Variants in GOLM2 observed in about 807,000 individuals in gnomAD.
GOLM2 encodes the protein golgi membrane protein 2.
A neutral mutation model predicts 55.9 loss-of-function variants in GOLM2; 26 were observed. The observed-to-expected ratio is 0.47, with a 90% CI of 0.34 to 0.65. The LOEUF is 0.65. Among genes scored for constraint, GOLM2 ranks in the 30% least tolerant of loss-of-function variants. GOLM2 has a pLI of 0.01. For synonymous variants in GOLM2, 165 were observed against 194.6 expected, an observed-to-expected ratio of 0.85 and a Z score of 1.27; for missense variants, 486 against 531.8, an observed-to-expected ratio of 0.91 and a Z score of 0.85.
chr15:44,326,485 T>C (rs987464423), intron 2 of GOLM2, among the ~76,000 whole-genome samples: 4 of 151,776 alleles, frequency 2.6e-5, no homozygotes, highest in African/African-American at 9.7e-5. Context: ...CAATAAAATT[T>C]AGAAAGTGTA....
rs138181441 is a variant in GOLM2, at chr15:44,318,538, G to C, written c.328-4427G>C. On this transcript the variant is annotated intron_variant, in intron 1 of 9. Coordinates refer to ENST00000299957, the MANE Select transcript of GOLM2 (RefSeq NM_138423.4). Reference sequence around the variant, plus strand: ...AGCCTGATCAATGTGGTGAAACCCTGTCTCTACTAAAAATACAAAAATTAG... The same window carrying C: ...AGCCTGATCAATGTGGTGAAACCCTCTCTCTACTAAAAATACAAAAATTAG... Among the ~76,000 whole-genome samples the C allele has an allele frequency of 1.7e-3, 252 of 152,238 alleles. 1 individual carries two copies. Among genetic ancestry groups the C allele is most frequent in the African/African-American group, 5.9e-3 (244 of 41,564 alleles).
chr15:44,296,531 G>A (rs1302310352), intron 1 of GOLM2, among the ~76,000 whole-genome samples: 2 of 152,300 alleles, frequency 1.3e-5, no homozygotes, highest in East Asian at 3.9e-4. Context: ...TGCTTTTTGG[G>A]GGAAAATTTT....
chr15:44,406,225 TA>T, intron 9 of GOLM2: 1 of 151,946 alleles, frequency 6.6e-6, no homozygotes, highest in Non-Finnish European at 1.5e-5. Context: ...ACCTCTCTAC[TA>T]AAAAATACAA....
intron 8 of GOLM2, among the ~76,000 whole-genome samples, chr15:44,400,845 G>C (rs905917133): frequency 1.3e-5 from 2 of 151,934 alleles, no homozygotes; most frequent in South Asian, 4.2e-4. Flanking sequence ...AAAGTGCTGG[G>C]ATTACGGGCG....
At chr15:44,304,399 A>C (rs1313275156) in intron 1 of GOLM2, among the ~76,000 whole-genome samples, 3 of 147,094 alleles carry the variant, frequency 2.0e-5, no homozygotes, top group Admixed American at 6.8e-5. Flanking sequence ...CCACCACCAC[A>C]CCTGGCTAAT....
intron 6 of GOLM2, among the ~76,000 whole-genome samples, chr15:44,361,339 T>C (rs566728306): frequency 8.9e-4 from 136 of 152,164 alleles, no homozygotes; most frequent in South Asian, 2.9e-3. Context: ...ATCAAATAGA[T>C]GCAATAAAAA....
intron 6 of GOLM2, among the ~76,000 whole-genome samples, chr15:44,362,714 A>G (rs1184068477): frequency 7.2e-5 from 11 of 152,202 alleles, no homozygotes; most frequent in Non-Finnish European, 2.9e-5. Context: ...TATGGAACCA[A>G]AAAAGAGCCC....
rs762573822 is a variant in GOLM2, at chr15:44,379,674, A to G, written c.803-16A>G. ...GTATCAATGGGAATAATATGGATTTATTTTTTTTCTTCTAGCTTTAAGGAA... is the reference window on the plus strand; with the variant it reads ...GTATCAATGGGAATAATATGGATTTGTTTTTTTTCTTCTAGCTTTAAGGAA... On this transcript the variant is annotated splice_polypyrimidine_tract_variant and intron_variant, in intron 6 of 9. Coordinates refer to ENST00000299957, the MANE Select transcript of GOLM2 (RefSeq NM_138423.4). 1.1e-5 allele frequency: 9 copies of G among 844,648 alleles called. No homozygotes were observed. Among genetic ancestry groups the G allele is most frequent in the South Asian group, 3.0e-5 (2 of 66,850 alleles). 52.3% of individuals were successfully genotyped at this position (844,648 alleles called of 1,614,324 possible).
chr15:44,378,301 C>T (rs941460782), intron 6 of GOLM2, among the ~76,000 whole-genome samples: 14 of 150,960 alleles, frequency 9.3e-5, no homozygotes, highest in African/African-American at 2.9e-4. Context: ...GTGAGCCGCC[C>T]GCCTCGGCTG....
At chr15:44,344,287 G>GTGTATA (rs1254503455) in intron 6 of GOLM2, among the ~76,000 whole-genome samples, 1 of 138,312 alleles carries the variant, frequency 7.2e-6, no homozygotes, top group Non-Finnish European at 1.6e-5. Flanking sequence ...ATATGTGTGT[G>GTGTATA]TATATATATA....
At chr15:44,293,612 T>A (rs2078736041) in intron 1 of GOLM2, among the ~76,000 whole-genome samples, 1 of 152,210 alleles carries the variant, frequency 6.6e-6, no homozygotes, top group Non-Finnish European at 1.5e-5. Flanking sequence ...TTTCTCAGGA[T>A]TAGACTGGAG....
At chr15:44,345,599 T>C (rs2079118957) in intron 6 of GOLM2, among the ~76,000 whole-genome samples, 1 of 152,116 alleles carries the variant, frequency 6.6e-6, no homozygotes, top group Non-Finnish European at 1.5e-5. Context: ...CAGTATGCAA[T>C]GCAAATATCT....
In GOLM2 at chr15:44,288,928, CG is replaced by C; in HGVS notation, c.-100del. The C allele has an allele frequency of 8.9e-7, 1 of 1,126,152 alleles. No homozygotes were observed. The allele number at this position is 1,126,152 out of a possible 1,614,324, so 69.8% of individuals were successfully genotyped here. On this transcript the variant is annotated 5_prime_UTR_variant, in exon 1 of 10. Coordinates refer to ENST00000299957, the MANE Select transcript of GOLM2 (RefSeq NM_138423.4). ...CGGTAAGCCCGCCTCCTCCCTCGGC[CG>C]GCCCTGGGGCCGTGTCCGCCGGGCA...
At chr15:44,362,370 A>C (rs1239683048) in intron 6 of GOLM2, among the ~76,000 whole-genome samples, 1 of 151,912 alleles carries the variant, frequency 6.6e-6, no homozygotes, top group Non-Finnish European at 1.5e-5. Context: ...CAATGTACAA[A>C]AATCACAAGC....
chr15:44,410,776 C>T (rs2079632684), intron 9 of GOLM2, among the ~76,000 whole-genome samples: 1 of 150,406 alleles, frequency 6.6e-6, no homozygotes, highest in African/African-American at 2.4e-5. Context: ...GTGGTGTGTG[C>T]CTGTAGTCCT....
chr15:44,407,085 C>T, intron 9 of GOLM2, among the ~76,000 whole-genome samples: 1 of 145,036 alleles, frequency 6.9e-6, no homozygotes. Context: ...AAAATATATT[C>T]TATTTTAATA....
chr15:44,308,175 G>T (rs540068148), intron 1 of GOLM2: 1 of 151,810 alleles, frequency 6.6e-6, no homozygotes, highest in Non-Finnish European at 1.5e-5. Flanking sequence ...ACTTTTTCAC[G>T]ATCCCAAACC....
At chr15:44,374,701 T>C (rs955058021) in intron 6 of GOLM2, among the ~76,000 whole-genome samples, 2 of 152,038 alleles carry the variant, frequency 1.3e-5, no homozygotes, top group African/African-American at 4.8e-5. Flanking sequence ...GAAGGTGCCA[T>C]ACACTTTTAA....
intron 2 of GOLM2, among the ~76,000 whole-genome samples, chr15:44,324,217 A>G (rs1457557742): frequency 1.3e-5 from 2 of 152,232 alleles, no homozygotes; most frequent in Non-Finnish European, 2.9e-5. Context: ...TGTTTATTAA[A>G]TAGATCAGTT....
Sources: allele counts gnomAD v4.1 joint callset (sites outside exome capture counted in the v4.1 genomes callset), GRCh38; gene constraint gnomAD v4.1.1; transcripts MANE v1.5; gene names NCBI Gene and HGNC (gene_info 2026-07-23, HGNC 2026-07-21).